TTC21B: variants seen among roughly 807,000 people sequenced by gnomAD.
The protein encoded by TTC21B is tetratricopeptide repeat protein 21B.
TTC21B carries 127 observed loss-of-function variants against 175.1 expected under a neutral mutation model. The ratio of observed to expected loss-of-function variants is 0.73; its 90% confidence interval spans 0.63 to 0.84. The LOEUF is 0.84. Among genes scored for constraint, TTC21B ranks in the 40% least tolerant of loss-of-function variants. The pLI, the probability that TTC21B is intolerant of heterozygous loss-of-function variation, is 0.00. For synonymous variants in TTC21B, 524 were observed against 524.5 expected (o/e 1.00, Z 0.01); for missense variants, 1,561 against 1,558.3 (o/e 1.00, Z -0.03).
At chr2:165,911,535 C>T (rs1048394455) in intron 17 of TTC21B, 70 bp from the exon 18 acceptor site, 16 of 1,567,306 alleles carry the variant, frequency 1.0e-5, no homozygotes, top group South Asian at 2.2e-5. Context: ...CTATTTAATA[C>T]ATTACAGACT....
rs566239359 is a variant in TTC21B, at chr2:165,924,485, T to A, written c.1516+64A>T. On this transcript the variant is annotated intron_variant, in intron 12 of 28. Transcript: ENST00000243344. ...CTCTATATATACACAGTGCTTAATT[T>A]ATTTACGCTTGTTTTTATCAACATC... 5.8e-5 allele frequency: 88 copies of A among 1,522,046 alleles called. No individual in the cohort carries two copies. In the East Asian group the frequency reaches 1.6e-3, roughly 27 times the overall value. The allele number at this position is 1,522,046 out of a possible 1,614,324, so 94.3% of individuals were successfully genotyped here. A position where few individuals can be genotyped will look rare whatever the true frequency, so the allele number is the denominator to read the frequency against.
chr2:165,892,464 T>A (rs1365236308), intron 22 of TTC21B, among the ~76,000 whole-genome samples: 1 of 152,200 alleles, frequency 6.6e-6, no homozygotes, highest in Non-Finnish European at 1.5e-5. Flanking sequence ...AGAGCCCACA[T>A]GTCCATTGTG....
At chr2:165,942,627 C>T (rs1170312084) in intron 5 of TTC21B, among the ~76,000 whole-genome samples, 1 of 152,104 alleles carries the variant, frequency 6.6e-6, no homozygotes, top group Non-Finnish European at 1.5e-5. Context: ...CTGAATACAC[C>T]TTAGGGTACC....
intron 5 of TTC21B, among the ~76,000 whole-genome samples, chr2:165,942,359 C>A (rs1687400036): frequency 1.3e-5 from 2 of 152,140 alleles, no homozygotes; most frequent in Non-Finnish European, 2.9e-5. Flanking sequence ...AAGAAAGGGT[C>A]CTACTTAAAT....
chr2:165,919,503 A>G lies in TTC21B; in HGVS notation c.1517-70T>C, dbSNP rs151038282. ...AATGGAGATCTGAGAGGGAAGAGGA[A>G]GAAGAGTGTTTAGTTTACGGATAGC... On this transcript the variant is annotated intron_variant, in intron 12 of 28. Coordinates refer to ENST00000243344, the MANE Select transcript of TTC21B (RefSeq NM_024753.5). 189 of 1,537,666 alleles carry G rather than the reference A, an allele frequency of 1.2e-4. No individual in the cohort carries two copies. In the East Asian group the frequency reaches 3.1e-3, roughly 25 times the overall value.
At chr2:165,899,699 G>C (rs1240358364) in intron 21 of TTC21B, 71 bp downstream of exon 21, 1 of 985,306 alleles carries the variant, frequency 1.0e-6, no homozygotes, top group Non-Finnish European at 1.6e-6. Flanking sequence ...TCTAGTAGTA[G>C]TTCCATGGGG....
chr2:165,876,793 T>A (rs1029749892), intron 27 of TTC21B, among the ~76,000 whole-genome samples: 4 of 152,148 alleles, frequency 2.6e-5, no homozygotes, highest in African/African-American at 9.7e-5. Context: ...ATGTCTGAAA[T>A]CTGAAGAATG....
In TTC21B at chr2:165,943,253, T is replaced by G. The variant is rs775266613; in HGVS notation, c.518A>C (p.Gln173Pro). 1.5e-5 allele frequency: 25 copies of G among 1,613,710 alleles called. No individual in the cohort carries two copies. Among genetic ancestry groups the G allele is most frequent in the Non-Finnish European group, 2.0e-5 (24 of 1,179,636 alleles). ...KALKYFEEGL[Q>P]DGNDTFALLG... ...CAGAGCAAAAGTATCATTCCCATCT[T>G]GGAGTCCCTCTTCAAAATACTTCAG... Residue 173 changes from glutamine (Q) to proline (P), a missense_variant, in exon 5 of 29, where the codon CAA becomes CCA. Gln to Pro is a moderately conservative substitution (Grantham distance 76). Coordinates refer to ENST00000243344, the MANE Select transcript of TTC21B (RefSeq NM_024753.5).
intron 22 of TTC21B, among the ~76,000 whole-genome samples, chr2:165,898,057 C>T (rs76164168): frequency 0.012 from 1,798 of 151,962 alleles, 35 homozygotes; most frequent in African/African-American, 0.041. Flanking sequence ...AATTTGTTGT[C>T]GAGAAGAACT....
intron 19 of TTC21B, among the ~76,000 whole-genome samples, chr2:165,903,805 T>C (rs931154931): frequency 4.6e-5 from 7 of 152,226 alleles, no homozygotes; most frequent in Non-Finnish European, 1.0e-4. Context: ...TTAAGCTCAA[T>C]AAATGGTTGC....
intron 27 of TTC21B, 145 bp from the exon 28 acceptor site, chr2:165,876,377 T>C: frequency 1.5e-6 from 1 of 647,814 alleles, no homozygotes; most frequent in Non-Finnish European, 2.8e-6. Context: ...TACAGAGAAG[T>C]TGTGTGATAA....
intron 18 of TTC21B, 78 bp downstream of exon 18, chr2:165,911,249 A>G: frequency 6.5e-7 from 1 of 1,541,494 alleles, no homozygotes; most frequent in East Asian, 2.3e-5. Context: ...TTGAGAATAC[A>G]AATACATATT....
Position 165,881,085 on chromosome 2 carries a change from T to G in TTC21B, c.3685-286A>C, listed in dbSNP as rs545714470. On this transcript the variant is annotated intron_variant, in intron 26 of 28. Coordinates refer to ENST00000243344, the MANE Select transcript of TTC21B (RefSeq NM_024753.5). Reference sequence around the variant, plus strand: ...GCACAGGTACACTATTATGAGTGATTTAAACACATACAAATACAGAGATAA... The same window carrying G: ...GCACAGGTACACTATTATGAGTGATGTAAACACATACAAATACAGAGATAA... 3.9e-5 allele frequency among the ~76,000 whole-genome samples: 6 copies of G among 152,266 alleles called. No homozygotes were observed. In the East Asian group the frequency reaches 1.2e-3, roughly 29 times the overall value.
Position 165,945,681 on chromosome 2 carries a change from G to C in TTC21B, c.272C>G (p.Ala91Gly), listed in dbSNP as rs371376632. 4 of 1,612,970 alleles carry C rather than the reference G, an allele frequency of 2.5e-6. No individual in the cohort carries two copies. Among genetic ancestry groups the C allele is most frequent in the Middle Eastern group, 3.3e-4 (2 of 6,058 alleles). The change falls in exon 4 of 29, where the codon GCT (alanine) becomes GGT (glycine). Residue 91 changes from alanine (A) to glycine (G), a missense_variant. Coordinates refer to ENST00000243344, the MANE Select transcript of TTC21B (RefSeq NM_024753.5). ...CACTCTGGCATCTGATTCCAGAATA[G>C]CTTCTCTATCTGGTAGGGGAAAATG... is the stretch of plus-strand genomic sequence containing the variant. ...HKMSPNPDRE[A>G]ILESDARVKE...
At chr2:165,926,284 T>C (rs2105337892) in intron 11 of TTC21B, among the ~76,000 whole-genome samples, 1 of 152,334 alleles carries the variant, frequency 6.6e-6, no homozygotes, top group East Asian at 1.9e-4. Flanking sequence ...TCTCAGCACA[T>C]CTGATAGAGA....
chr2:165,923,215 T>G (rs775988421), intron 12 of TTC21B, among the ~76,000 whole-genome samples: 1 of 152,102 alleles, frequency 6.6e-6, no homozygotes, highest in East Asian at 1.9e-4. Context: ...CAAAAACTAT[T>G]TGTACCCAAT....
In TTC21B at chr2:165,912,550, C is replaced by T; in HGVS notation, c.2286G>A (p.Met762Ile). The change falls in exon 17 of 29, where the codon ATG (methionine) becomes ATA (isoleucine). Residue 762 changes from methionine to isoleucine, a missense_variant. Met to Ile is a conservative substitution (Grantham distance 10). Transcript: ENST00000243344. ...NPKDGTLASK[M>I]GKALIKTHNY... ...TATGAGTTTTGATAAGTGCTTTGCC[C>T]ATTTTGCTTGCCAATGTTCCATCTT... 6.2e-7 allele frequency: 1 copy of T among 1,614,054 alleles called. No individual in the cohort carries two copies. The highest frequency in any genetic ancestry group is 8.5e-7 in the Non-Finnish European group (1 of 1,179,980).
rs73969721 is a variant in TTC21B at position 165,903,007 on chromosome 2, T to C, written c.2569-1097A>G. On this transcript the variant is annotated intron_variant, in intron 19 of 28. Coordinates refer to ENST00000243344, the MANE Select transcript of TTC21B (RefSeq NM_024753.5). ...AGGCAGCAGCCTCCAAGAATTTTGT[T>C]AGAGATGTCCCATCACTTATGGCCC... Among the ~76,000 whole-genome samples, 429 of 152,324 alleles carry C rather than the reference T, an allele frequency of 2.8e-3. 1 individual carries two copies. Among genetic ancestry groups the C allele is most frequent in the African/African-American group, 0.01 (416 of 41,568 alleles).
intron 22 of TTC21B, among the ~76,000 whole-genome samples, chr2:165,892,606 A>G (rs779714732): frequency 6.6e-6 from 1 of 152,234 alleles, no homozygotes; most frequent in Non-Finnish European, 1.5e-5. Flanking sequence ...ACCAAGTGAA[A>G]TATGCCAGAC....
Sources: allele counts gnomAD v4.1 joint callset (sites outside exome capture counted in the v4.1 genomes callset), GRCh38; gene constraint gnomAD v4.1.1; transcripts MANE v1.5; gene names NCBI Gene and HGNC (gene_info 2026-07-23, HGNC 2026-07-21).